RFX8: variants seen among roughly 807,000 people sequenced by gnomAD.
The protein encoded by RFX8 is DNA-binding protein RFX8.
RFX8 carries 46 observed loss-of-function variants against 54.6 expected under a neutral mutation model. The observed-to-expected ratio is 0.84, with a 90% CI of 0.67 to 1.08. The LOEUF (loss-of-function observed/expected upper bound fraction) is 1.08. RFX8 is among the 50% of genes least tolerant of loss of function. The probability of loss-of-function intolerance (pLI) is 0.00; values close to 1 mark genes in which losing one functional copy is unlikely to be tolerated. For synonymous variants in RFX8, 192 were observed against 209.5 expected (o/e 0.92, Z 0.72); for missense variants, 536 against 562.3 (o/e 0.95, Z 0.47).
Position 101,466,902 on chromosome 2 carries a change from T to C in RFX8, c.-52-2A>G, listed in dbSNP as rs1356015800. On this transcript the variant is annotated splice_acceptor_variant, in intron 1 of 11. Coordinates refer to ENST00000428343, the MANE Select transcript of RFX8 (RefSeq NM_001145664.2). LOFTEE classifies it low-confidence loss of function (5UTR_SPLICE). ...CAAATGCAGAAGTTGTCGACCAACC[T>C]GGAGGAGAGGAGGACAAGGAGGAGG... The C allele has an allele frequency of 1.5e-6, 2 of 1,322,010 alleles. No homozygotes were observed. Among genetic ancestry groups the C allele is most frequent in the South Asian group, 1.3e-5 (1 of 79,392 alleles). The allele number at this position is 1,322,010 out of a possible 1,614,324, so 81.9% of individuals were successfully genotyped here. A position where few individuals can be genotyped will look rare whatever the true frequency, so the allele number is the denominator to read the frequency against.
chr2:101,413,807 C>T (rs1165479864), intron 7 of RFX8, among the ~76,000 whole-genome samples: 1 of 152,116 alleles, frequency 6.6e-6, no homozygotes. Flanking sequence ...CTGTGAGAGC[C>T]CTGGAGAACA....
chr2:101,458,607 G>A (rs1365204800), intron 2 of RFX8, among the ~76,000 whole-genome samples: 3 of 152,142 alleles, frequency 2.0e-5, no homozygotes, highest in Non-Finnish European at 4.4e-5. Flanking sequence ...TTCCCTTTGT[G>A]GGTAACTCGA....
chr2:101,455,784 T>C (rs1688932415), intron 2 of RFX8, among the ~76,000 whole-genome samples: 1 of 152,340 alleles, frequency 6.6e-6, no homozygotes, highest in African/African-American at 2.4e-5. Flanking sequence ...GGGATGGCAT[T>C]GAATCTATAA....
chr2:101,459,639 G>A (rs1205636987), intron 2 of RFX8, among the ~76,000 whole-genome samples: 1 of 152,148 alleles, frequency 6.6e-6, no homozygotes. Context: ...CATATGAGGT[G>A]TCTGTTGGAT....
chr2:101,459,981 G>A (rs1046056890), intron 2 of RFX8, among the ~76,000 whole-genome samples: 7 of 152,100 alleles, frequency 4.6e-5, no homozygotes, highest in South Asian at 2.1e-4. Context: ...CCGCATCCTC[G>A]CAGGTCGATC....
intron 7 of RFX8, among the ~76,000 whole-genome samples, chr2:101,414,264 AATTTT>A (rs1262764711): frequency 6.6e-6 from 1 of 151,552 alleles, no homozygotes; most frequent in Non-Finnish European, 1.5e-5. Flanking sequence ...GGCATCTTTT[AATTTT>A]ATTTTTTTAT....
intron 9 of RFX8, among the ~76,000 whole-genome samples, chr2:101,407,478 G>A (rs1162507157): frequency 1.3e-5 from 2 of 152,216 alleles, no homozygotes; most frequent in Non-Finnish European, 2.9e-5. Context: ...GATCATTTGA[G>A]GTCAGGAGTT....
chr2:101,449,239 T>C (rs1365790142), intron 2 of RFX8, among the ~76,000 whole-genome samples: 1 of 152,132 alleles, frequency 6.6e-6, no homozygotes, highest in East Asian at 1.9e-4. Flanking sequence ...CAGCCTAGGG[T>C]TGGCCTTTAT....
At chr2:101,421,365 G>C (rs188163763) in intron 4 of RFX8, 1 of 1,006,202 alleles carries the variant, frequency 9.9e-7, no homozygotes, top group African/African-American at 1.7e-5. Context: ...CAGTTAGCGC[G>C]TATCAATCAA....
intron 11 of RFX8, among the ~76,000 whole-genome samples, chr2:101,400,625 T>C (rs1685378378): frequency 6.6e-6 from 1 of 152,246 alleles, no homozygotes; most frequent in Non-Finnish European, 1.5e-5. Flanking sequence ...TCCTTACAGA[T>C]AAAGCCTCCC....
chr2:101,461,884 A>G (rs922654038), intron 2 of RFX8, among the ~76,000 whole-genome samples: 1 of 152,212 alleles, frequency 6.6e-6, no homozygotes, highest in Non-Finnish European at 1.5e-5. Context: ...CAATAAATGC[A>G]AGTAGAAACA....
chr2:101,412,454 G>A (rs1360413145), intron 8 of RFX8, among the ~76,000 whole-genome samples: 1 of 152,182 alleles, frequency 6.6e-6, no homozygotes, highest in East Asian at 1.9e-4. Context: ...TATGGTAAAA[G>A]CACCATTGTT....
intron 9 of RFX8, among the ~76,000 whole-genome samples, chr2:101,409,685 A>C (rs1179069230): frequency 6.6e-6 from 1 of 152,130 alleles, no homozygotes; most frequent in Non-Finnish European, 1.5e-5. Flanking sequence ...TTTTTAGGAG[A>C]GACAGGGTTT....
chr2:101,407,028 A>G (rs754770962), intron 9 of RFX8, among the ~76,000 whole-genome samples: 3 of 152,184 alleles, frequency 2.0e-5, no homozygotes, highest in African/African-American at 4.8e-5. Context: ...GCCACACTTG[A>G]AGCCATCTGT....
rs554866369 is a variant in RFX8, at chr2:101,420,294, C to A, written c.238-1330G>T. Among the ~76,000 whole-genome samples, 32 of 152,258 alleles carry A rather than the reference C, an allele frequency of 2.1e-4. No individual in the cohort carries two copies. The South Asian group carries it at 6.6e-3, about 32-fold the overall frequency. On this transcript the variant is annotated intron_variant, in intron 4 of 11. Transcript: ENST00000428343. ...CGGTGGTTCACGGCTGTAATCCCAGCACTTTGGGAGGCCGAGGTGGGCAGA... is the reference window on the plus strand; with the variant it reads ...CGGTGGTTCACGGCTGTAATCCCAGAACTTTGGGAGGCCGAGGTGGGCAGA...
chr2:101,451,418 T>G (rs1276494847), intron 2 of RFX8, among the ~76,000 whole-genome samples: 1 of 152,116 alleles, frequency 6.6e-6, no homozygotes, highest in African/African-American at 2.4e-5. Flanking sequence ...CTGGGCGCGG[T>G]GGCTCACGCC....
intron 1 of RFX8, among the ~76,000 whole-genome samples, chr2:101,472,280 T>C (rs1690047272): frequency 6.6e-6 from 1 of 152,132 alleles, no homozygotes; most frequent in African/African-American, 2.4e-5. Flanking sequence ...TTTTGTATTT[T>C]TAGTAGAGAT....
intron 2 of RFX8, among the ~76,000 whole-genome samples, chr2:101,462,562 AAGTT>A (rs1689340604): frequency 6.6e-6 from 1 of 152,192 alleles, no homozygotes; most frequent in African/African-American, 2.4e-5. Context: ...AGAATGATAA[AAGTT>A]AGTATTTCTT....
chr2:101,403,197 G>C (rs924824655), intron 10 of RFX8, among the ~76,000 whole-genome samples: 1 of 152,152 alleles, frequency 6.6e-6, no homozygotes, highest in African/African-American at 2.4e-5. Flanking sequence ...GTAGCGCCTT[G>C]CCCCTCTTGC....
Sources: allele counts gnomAD v4.1 joint callset (sites outside exome capture counted in the v4.1 genomes callset), GRCh38; gene constraint gnomAD v4.1.1; transcripts MANE v1.5; gene names NCBI Gene and HGNC (gene_info 2026-07-23, HGNC 2026-07-21).